SGCZ: variants seen among roughly 807,000 people sequenced by gnomAD.
SGCZ encodes the protein sarcoglycan zeta.
SGCZ carries 40 observed loss-of-function variants against 41.3 expected under a neutral mutation model. That is an observed-to-expected ratio of 0.97 (90% CI 0.75 to 1.26). The LOEUF is 1.26. Among genes scored for constraint, SGCZ ranks in the 50% most tolerant of loss-of-function variants. The probability of loss-of-function intolerance (pLI) is 0.00; values close to 1 mark genes in which losing one functional copy is unlikely to be tolerated. For synonymous variants in SGCZ, 206 were observed against 137.5 expected (o/e 1.50, Z -3.49); for missense variants, 552 against 369.8 (o/e 1.49, Z -4.04).
intron 3 of SGCZ, among the ~76,000 whole-genome samples, chr8:14,279,413 C>G (rs1800345692): frequency 6.6e-6 from 1 of 152,054 alleles, no homozygotes; most frequent in South Asian, 2.1e-4. Context: ...ACATTTTGAA[C>G]TCTTTAGAGG....
chr8:14,258,537 T>C (rs953910835), intron 3 of SGCZ, among the ~76,000 whole-genome samples: 1 of 152,134 alleles, frequency 6.6e-6, no homozygotes, highest in Non-Finnish European at 1.5e-5. Flanking sequence ...TGAAGAAATA[T>C]AACAGAAGAT....
chr8:15,200,008 C>A (rs1800844111), intron 1 of SGCZ, among the ~76,000 whole-genome samples: 2 of 152,102 alleles, frequency 1.3e-5, no homozygotes, highest in African/African-American at 4.8e-5. Context: ...TTGTTGTGGT[C>A]TATACTTTCT....
chr8:14,905,457 C>A (rs1352303073), intron 1 of SGCZ, among the ~76,000 whole-genome samples: 1 of 151,992 alleles, frequency 6.6e-6, no homozygotes, highest in South Asian at 2.1e-4. Context: ...AGACTAAGGA[C>A]ACTCATTTAC....
At chr8:14,272,866 C>T (rs1308821755) in intron 3 of SGCZ, among the ~76,000 whole-genome samples, 2 of 151,954 alleles carry the variant, frequency 1.3e-5, no homozygotes, top group South Asian at 2.1e-4. Context: ...CTGTAGGGTA[C>T]TATGTAAAAA....
chr8:15,052,433 A>G, intron 1 of SGCZ, among the ~76,000 whole-genome samples: 1 of 152,192 alleles, frequency 6.6e-6, no homozygotes, highest in Admixed American at 6.5e-5. Context: ...AGGTTAGGAC[A>G]GATAACATGC....
chr8:14,281,381 C>T (rs755819580), intron 3 of SGCZ, among the ~76,000 whole-genome samples: 4 of 151,880 alleles, frequency 2.6e-5, no homozygotes, highest in Non-Finnish European at 5.9e-5. Flanking sequence ...CTCCGTTCTC[C>T]ACTACTATCC....
intron 6 of SGCZ, among the ~76,000 whole-genome samples, chr8:14,103,624 G>T (rs10503484): frequency 0.36 from 53,970 of 151,250 alleles, 10,651 homozygotes; most frequent in Non-Finnish European, 0.46. Flanking sequence ...AGCCAGCATT[G>T]AGAAGTGGTT....
intron 1 of SGCZ, among the ~76,000 whole-genome samples, chr8:14,677,369 A>G (rs886188998): frequency 2.6e-5 from 4 of 152,220 alleles, no homozygotes; most frequent in Non-Finnish European, 5.9e-5. Context: ...TCAATATATT[A>G]GTTCTTCCCA....
intron 1 of SGCZ, among the ~76,000 whole-genome samples, chr8:15,020,215 A>T (rs895606690): frequency 6.6e-6 from 1 of 152,136 alleles, no homozygotes; most frequent in African/African-American, 2.4e-5. Flanking sequence ...CTTCTTATAG[A>T]TCAGTCATCA....
intron 1 of SGCZ, among the ~76,000 whole-genome samples, chr8:15,148,116 A>T (rs1799084921): frequency 6.6e-6 from 1 of 152,346 alleles, no homozygotes; most frequent in Non-Finnish European, 1.5e-5. Context: ...AGCTAGTAAA[A>T]GAATATGTGA....
At chr8:14,220,454 T>TG (rs1806153106) in intron 4 of SGCZ, among the ~76,000 whole-genome samples, 1 of 152,202 alleles carries the variant, frequency 6.6e-6, no homozygotes. Flanking sequence ...CCTGAGCTTC[T>TG]GGGGTGCTGT....
chr8:14,532,088 T>G (rs1803149186), intron 2 of SGCZ, among the ~76,000 whole-genome samples: 2 of 152,244 alleles, frequency 1.3e-5, no homozygotes, highest in South Asian at 4.1e-4. Flanking sequence ...ATGTAGTTGT[T>G]TTAGTTAAAG....
intron 1 of SGCZ, among the ~76,000 whole-genome samples, chr8:15,000,662 C>T (rs184779783): frequency 1.5e-4 from 23 of 152,194 alleles, no homozygotes; most frequent in Non-Finnish European, 2.6e-4. Flanking sequence ...AACTGGAAAG[C>T]CCATTTGCAT....
At chr8:14,596,770 T>A (rs926101710) in intron 1 of SGCZ, among the ~76,000 whole-genome samples, 25 of 152,140 alleles carry the variant, frequency 1.6e-4, no homozygotes, top group Non-Finnish European at 1.5e-4. Flanking sequence ...CAAACCACCA[T>A]GGCACATGTA....
At chr8:14,485,192 T>C (rs571323683) in intron 2 of SGCZ, among the ~76,000 whole-genome samples, 3 of 152,188 alleles carry the variant, frequency 2.0e-5, no homozygotes, top group Non-Finnish European at 4.4e-5. Context: ...AACTAAAAAC[T>C]ACATTTCCTA....
intron 1 of SGCZ, among the ~76,000 whole-genome samples, chr8:15,212,697 T>A (rs1048722673): frequency 6.6e-6 from 1 of 152,076 alleles, no homozygotes; most frequent in Admixed American, 6.6e-5. Flanking sequence ...GTTAATAGGC[T>A]TGTGAAGTCC....
At chr8:15,185,540 C>A (rs1425317177) in intron 1 of SGCZ, among the ~76,000 whole-genome samples, 1 of 152,008 alleles carries the variant, frequency 6.6e-6, no homozygotes, top group Non-Finnish European at 1.5e-5. Flanking sequence ...TTTATTGCCT[C>A]GATATCTTTA....
At chr8:14,410,607 C>T (rs985159041) in intron 2 of SGCZ, among the ~76,000 whole-genome samples, 13 of 150,842 alleles carry the variant, frequency 8.6e-5, no homozygotes, top group Non-Finnish European at 1.6e-4. Context: ...TGGGGCCTGT[C>T]GTGGGGTGGT....
chr8:14,761,625 C>T lies in SGCZ; in HGVS notation c.40-206699G>A, dbSNP rs570895203. Among the ~76,000 whole-genome samples, 17 of 151,516 alleles carry T rather than the reference C, an allele frequency of 1.1e-4. No homozygotes were observed. In the South Asian group the frequency reaches 3.1e-3, roughly 28 times the overall value. ...ACTGCCACCTCCTCCTCTTACCTCC[C>T]GGATTCGAACAATTCAGCTTCAGGA... On this transcript the variant is annotated intron_variant, in intron 1 of 7. Coordinates refer to ENST00000382080, the MANE Select transcript of SGCZ (RefSeq NM_139167.4).
Sources: gnomAD v4.1 joint callset for allele counts (sites outside exome capture counted in the v4.1 genomes callset) on GRCh38, gnomAD v4.1.1 for gene constraint, MANE v1.5 for transcripts, NCBI Gene and HGNC (gene_info 2026-07-23, HGNC 2026-07-21) for gene names.